The following MCTP2 variants were observed in gnomAD, a reference collection of about 807,000 sequenced individuals.
MCTP2 encodes multiple C2 and transmembrane domain containing 2, also known as multiple C2 and transmembrane domain-containing protein 2.
In MCTP2, 132 loss-of-function variants were observed where a neutral mutation model predicts 111.6. The ratio of observed to expected loss-of-function variants is 1.18; its 90% CI spans 1.03 to 1.37. The LOEUF (loss-of-function observed/expected upper bound fraction) is 1.37. Among genes scored for constraint, MCTP2 ranks in the 40% most tolerant of loss-of-function variants. MCTP2 has a pLI of 0.00. For missense variants in MCTP2, 1,183 were observed against 1,067.9 expected (o/e 1.11, Z -1.50); for synonymous variants, 395 against 387.7 (o/e 1.02, Z -0.22).
intron 1 of MCTP2, among the ~76,000 whole-genome samples, chr15:94,264,477 C>T (rs182784126): frequency 7.2e-5 from 11 of 152,036 alleles, no homozygotes; most frequent in Admixed American, 4.6e-4. Flanking sequence ...GGCATGGTGG[C>T]GGGCACCTGT....
At chr15:94,237,759 T>C (rs1275166672) in intron 1 of MCTP2, among the ~76,000 whole-genome samples, 1 of 152,072 alleles carries the variant, frequency 6.6e-6, no homozygotes, top group African/African-American at 2.4e-5. Flanking sequence ...AGATTAAGAG[T>C]CTAGCACCTT....
chr15:94,375,983 C>G (rs1211307869), intron 12 of MCTP2, among the ~76,000 whole-genome samples: 1 of 152,172 alleles, frequency 6.6e-6, no homozygotes, highest in Admixed American at 6.6e-5. Context: ...CACAGATATT[C>G]ATTGAGCACC....
At chr15:94,365,952 A>T (rs1048106546) in intron 10 of MCTP2, among the ~76,000 whole-genome samples, 2 of 152,188 alleles carry the variant, frequency 1.3e-5, no homozygotes, top group African/African-American at 4.8e-5. Flanking sequence ...GAAAGTGTAT[A>T]TAACAGTGTA....
At chr15:94,437,625 AAATT>A (rs2083552199) in intron 17 of MCTP2, among the ~76,000 whole-genome samples, 1 of 152,144 alleles carries the variant, frequency 6.6e-6, no homozygotes, top group South Asian at 2.1e-4. Context: ...AGAAATTTAT[AAATT>A]AATTCTGAAA....
intron 2 of MCTP2, among the ~76,000 whole-genome samples, chr15:94,303,107 A>ATATATAGTTTATATAGTT (rs1475720278): frequency 2.3e-5 from 3 of 132,246 alleles, no homozygotes; most frequent in Non-Finnish European, 4.6e-5. Flanking sequence ...TAGTTTATAT[A>ATATATAGTTTATATAGTT]TATATATAGT....
chr15:94,390,098 A>ATGTATATATATATG (rs1555464915), intron 14 of MCTP2, among the ~76,000 whole-genome samples: 2 of 34,426 alleles, frequency 5.8e-5, no homozygotes, highest in South Asian at 7.5e-4. Flanking sequence ...ATGTATATAT[A>ATGTATATATATATG]TATATATATA....
At chr15:94,326,818 A>ACC (rs1278463635) in intron 4 of MCTP2, among the ~76,000 whole-genome samples, 3,162 of 45,160 alleles carry the variant, frequency 0.07, 215 homozygotes, top group South Asian at 0.11. Context: ...TCCCCGCCCC[A>ACC]CCCCCCCCCA....
chr15:94,358,452 A>G, intron 9 of MCTP2, 30 bp from the exon 10 acceptor site: 1 of 1,590,292 alleles, frequency 6.3e-7, no homozygotes, highest in Non-Finnish European at 8.6e-7. Context: ...CATTTTAAGA[A>G]AATAAATATT....
chr15:94,332,869 G>A (rs74801808), intron 4 of MCTP2, among the ~76,000 whole-genome samples: 225 of 152,250 alleles, frequency 1.5e-3, no homozygotes, highest in African/African-American at 5.1e-3. Context: ...ATGTTACATG[G>A]TAAGTTTATA....
chr15:94,239,932 T>C (rs1184982167), intron 1 of MCTP2, among the ~76,000 whole-genome samples: 1 of 152,230 alleles, frequency 6.6e-6, no homozygotes, highest in Non-Finnish European at 1.5e-5. Context: ...TTTTATTAAC[T>C]ACTTCCTCTC....
intron 1 of MCTP2, among the ~76,000 whole-genome samples, chr15:94,281,082 C>T (rs1166650513): frequency 6.6e-6 from 1 of 152,010 alleles, no homozygotes; most frequent in African/African-American, 2.4e-5. Flanking sequence ...TCTGTTAGGT[C>T]CATTTGGTCA....
intron 1 of MCTP2, among the ~76,000 whole-genome samples, chr15:94,243,465 G>C (rs1384635752): frequency 1.0e-5 from 1 of 97,528 alleles, no homozygotes; most frequent in Non-Finnish European, 2.1e-5. Context: ...ATGCGTATGC[G>C]TATATGCGTA....
chr15:94,365,153 T>C (rs1567536535), intron 10 of MCTP2, among the ~76,000 whole-genome samples: 1 of 152,196 alleles, frequency 6.6e-6, no homozygotes, highest in African/African-American at 2.4e-5. Context: ...TTGATTGATA[T>C]GATGCTAATA....
chr15:94,470,797 C>T (rs1383981009), intron 21 of MCTP2, among the ~76,000 whole-genome samples: 1 of 152,148 alleles, frequency 6.6e-6, no homozygotes, highest in East Asian at 1.9e-4. Context: ...CTACCTGCAT[C>T]ATGCCCTTGA....
chr15:94,409,703 C>A (rs183247353), intron 17 of MCTP2, among the ~76,000 whole-genome samples: 25 of 152,044 alleles, frequency 1.6e-4, no homozygotes, highest in African/African-American at 6.0e-4. Context: ...TCCCGATCCT[C>A]CCTCTTTCCT....
At chr15:94,406,555 T>C (rs911413751) in intron 17 of MCTP2, among the ~76,000 whole-genome samples, 21 of 152,236 alleles carry the variant, frequency 1.4e-4, no homozygotes, top group African/African-American at 5.1e-4. Flanking sequence ...TGGGCGAGAA[T>C]AATTCTTTAG....
chr15:94,232,658 A>T (rs2070268175), intron 1 of MCTP2, among the ~76,000 whole-genome samples: 1 of 152,094 alleles, frequency 6.6e-6, no homozygotes. Flanking sequence ...TATTAATACA[A>T]AGGGGAATCT....
At chr15:94,306,622 T>G (rs2075891847) in intron 2 of MCTP2, among the ~76,000 whole-genome samples, 1 of 152,208 alleles carries the variant, frequency 6.6e-6, no homozygotes, top group Admixed American at 6.5e-5. Flanking sequence ...ATTATCAAGA[T>G]TGAATGGGCT....
At chr15:94,467,381 T>TTATTTGTTGTA (rs1444187318) in intron 20 of MCTP2, among the ~76,000 whole-genome samples, 1 of 151,922 alleles carries the variant, frequency 6.6e-6, no homozygotes, top group Non-Finnish European at 1.5e-5. Flanking sequence ...TTTTCCTTAG[T>TTATTTGTTGTA]TATTTGTTGT....
Sources: allele counts gnomAD v4.1 joint callset (sites outside exome capture counted in the v4.1 genomes callset), GRCh38; gene constraint gnomAD v4.1.1; transcripts MANE v1.5; gene names NCBI Gene and HGNC (gene_info 2026-07-23, HGNC 2026-07-21).